The following NAA10 variants were observed in gnomAD, a reference collection of about 807,000 sequenced individuals.
NAA10 encodes the protein N-alpha-acetyltransferase 10, NatA catalytic subunit, also known as N-alpha-acetyltransferase 10.
In NAA10, 6 loss-of-function variants were observed where a neutral mutation model predicts 19.2. The ratio of observed to expected loss-of-function variants is 0.31; its 90% CI spans 0.17 to 0.62. The LOEUF is 0.62. Ranked by LOEUF, NAA10 falls within the 20% of genes least tolerant of loss-of-function variation. The probability of loss-of-function intolerance (pLI) is 0.83; values close to 1 mark genes in which losing one functional copy is unlikely to be tolerated. For missense variants in NAA10, 101 were observed against 198.4 expected (o/e 0.51, Z 2.95); for synonymous variants, 97 against 79.9 (o/e 1.21, Z -1.14).
chrX:153,932,816 C>A (rs1001424554), intron 3 of NAA10: 1 of 438,265 alleles, frequency 2.3e-6, no homozygotes, highest in Non-Finnish European at 4.0e-6. Context: ...ACTTGGCAGG[C>A]CGGGGCAAGA....
rs932425526 is a variant in NAA10 at position 153,931,763 on chromosome X, C to T, written c.386+308G>A. 20 of 1,027,866 alleles carry T rather than the reference C, an allele frequency of 1.9e-5. No homozygotes were observed. The African/African-American group carries it at 3.5e-4, about 18-fold the overall frequency. 84.7% of individuals were successfully genotyped at this position (1,027,866 alleles called of 1,213,427 possible). A position where few individuals can be genotyped will look rare whatever the true frequency, so the allele number is the denominator to read the frequency against. On this transcript the variant is annotated intron_variant, in intron 6 of 7. Coordinates refer to ENST00000464845, the MANE Select transcript of NAA10 (RefSeq NM_003491.4). ...CATCTGCTCACGCCAGGGACCCACA[C>T]CTCTCTATTCCCAAACATTACTAAA...
At chrX:153,930,498 T>C in intron 7 of NAA10, 1 of 453,665 alleles carries the variant, frequency 2.2e-6, no homozygotes, top group East Asian at 3.7e-5. Flanking sequence ...GACTCAGAAC[T>C]ACCTTTGAGC....
rs782363652 is a variant in NAA10, at chrX:153,934,470, C to T, written c.27G>A (p.Glu9=). The T allele has an allele frequency of 3.3e-6, 4 of 1,197,648 alleles. No individual in the cohort carries two copies. In the South Asian group the frequency reaches 7.3e-5, roughly 22 times the overall value. The change falls in exon 2 of 8, where the codon GAG becomes GAA. Residue 9 remains glutamate (E), a synonymous_variant. Transcript: ENST00000464845. ...TGCAGTGCTGCATGTTCATTAGGTCCTCTGGCTGCAGGGAAGGAGGGCAGT... is the reference window on the plus strand; with the variant it reads ...TGCAGTGCTGCATGTTCATTAGGTCTTCTGGCTGCAGGGAAGGAGGGCAGT... MNIRNARP[E]DLMNMQHCNL... is the part of the protein sequence containing the mutation.
intron 6 of NAA10, 80 bp from the exon 7 acceptor site, chrX:153,930,927 C>T (rs1352057387): frequency 8.3e-7 from 1 of 1,208,142 alleles, no homozygotes; most frequent in Admixed American, 2.2e-5. Flanking sequence ...ATCGTGGCTA[C>T]TGGAGCAAGG....
chrX:153,935,000 C>G lies in NAA10; in HGVS notation c.-96G>C, dbSNP rs1317233747. 13 of 814,927 alleles carry G rather than the reference C, an allele frequency of 1.6e-5. No homozygotes were observed. The highest frequency in any genetic ancestry group is 2.0e-5 in the Non-Finnish European group (13 of 657,543). 67.2% of individuals were successfully genotyped at this position (814,927 alleles called of 1,213,427 possible). Reference sequence around the variant, plus strand: ...ACGCCGGGACGGCCGGGGCTGGGACCGGAGCTGGGCTCGCTGGGCGACGGC... The same window carrying G: ...ACGCCGGGACGGCCGGGGCTGGGACGGGAGCTGGGCTCGCTGGGCGACGGC... On this transcript the variant is annotated 5_prime_UTR_variant, in exon 1 of 8. Transcript: ENST00000464845.
At chrX:153,933,698 G>A in intron 3 of NAA10, 1 of 336,050 alleles carries the variant, frequency 3.0e-6, no homozygotes, top group Non-Finnish European at 5.2e-6. Context: ...AATAATAATA[G>A]TAACATATCA....
Position 153,929,865 on chromosome X carries a change from C to T in NAA10, c.*122G>A. 3.3e-6 allele frequency: 2 copies of T among 604,476 alleles called. No individual in the cohort carries two copies. The highest frequency in any genetic ancestry group is 5.5e-6 in the Non-Finnish European group (2 of 362,945). 49.8% of individuals were successfully genotyped at this position (604,476 alleles called of 1,213,427 possible). A position where few individuals can be genotyped will look rare whatever the true frequency, so the allele number is the denominator to read the frequency against. On this transcript the variant is annotated 3_prime_UTR_variant, in exon 8 of 8. Coordinates refer to ENST00000464845, the MANE Select transcript of NAA10 (RefSeq NM_003491.4). The stretch of plus-strand genomic sequence containing the variant: ...GTCAAAAGGCCAAGGCTCACATCCC[C>T]ACCAGAGGACCTGGAGAAACACACC...
chrX:153,934,559 T>G, intron 1 of NAA10, 84 bp from the exon 2 acceptor site: 1 of 769,617 alleles, frequency 1.3e-6, no homozygotes, highest in Non-Finnish European at 2.0e-6. Flanking sequence ...GTCGGTCTGC[T>G]CGGCCCCGCT....
At chrX:153,934,515 G>A in intron 1 of NAA10, 40 bp from the exon 2 acceptor site, 19 of 1,074,679 alleles carry the variant, frequency 1.8e-5, no homozygotes, top group Non-Finnish European at 2.3e-5. Context: ...TCAGTCTAAG[G>A]CGGCGGTGAC....
At chrX:153,934,309 T>C in intron 2 of NAA10, 68 bp downstream of exon 2, 1 of 962,661 alleles carries the variant, frequency 1.0e-6, no homozygotes, top group Non-Finnish European at 1.5e-6. Context: ...GTCCACTCCC[T>C]CCAAGATGGC....
Position 153,932,082 on chromosome X carries a change from G to C in NAA10, c.375C>G (p.Thr125=). 1 of 1,212,113 alleles carries C rather than the reference G, an allele frequency of 8.3e-7. No individual in the cohort carries two copies. Among genetic ancestry groups the C allele is most frequent in the Non-Finnish European group, 1.1e-6 (1 of 895,625 alleles). The change falls in exon 6 of 8, where the codon ACC becomes ACG. Residue 125 remains threonine (T), a synonymous_variant. Coordinates refer to ENST00000464845, the MANE Select transcript of NAA10 (RefSeq NM_003491.4). Reference sequence around the variant, plus strand: ...CGAGATCTACTTACTGAAAGTTGAGGGTGTTGGAATAGAGGTGCAGGGCGG... The same window carrying C: ...CGAGATCTACTTACTGAAAGTTGAGCGTGTTGGAATAGAGGTGCAGGGCGG... ...NRAALHLYSN[T]LNFQISEVEP...
At position 153,935,017 on chromosome X, in the gene NAA10, G is replaced by C; in HGVS notation, c.-113C>G. Reference sequence around the variant, plus strand: ...GCTGGGACCGGAGCTGGGCTCGCTGGGCGACGGCGGAAGGGGCGGTGCGCG... The same window carrying C: ...GCTGGGACCGGAGCTGGGCTCGCTGCGCGACGGCGGAAGGGGCGGTGCGCG... On this transcript the variant is annotated 5_prime_UTR_variant, in exon 1 of 8. Transcript: ENST00000464845. 2.7e-6 allele frequency: 2 copies of C among 750,631 alleles called. No homozygotes were observed. Among genetic ancestry groups the C allele is most frequent in the Non-Finnish European group, 3.3e-6 (2 of 602,854 alleles). The allele number at this position is 750,631 out of a possible 1,213,427, so 61.9% of individuals were successfully genotyped here.
rs781801765 is a variant in NAA10, at chrX:153,934,893, G to A, written c.12C>T (p.Arg4=). The A allele has an allele frequency of 1.3e-4, 127 of 1,009,071 alleles. No individual in the cohort carries two copies. Among genetic ancestry groups the A allele is most frequent in the Non-Finnish European group, 1.3e-5 (10 of 789,364 alleles). 83.2% of individuals were successfully genotyped at this position (1,009,071 alleles called of 1,213,427 possible). The change falls in exon 1 of 8, where the codon CGC becomes CGT. Residue 4 remains arginine, a synonymous_variant. Transcript: ENST00000464845. MNI[R]NARPEDLMNM... is the part of the protein sequence containing the mutation. ...CGCCCCGGGCGCTCACCCTCGCATT[G>A]CGGATGTTCATAACGGCGGCGGGGC...
Position 153,934,948 on chromosome X carries a change from A to G in NAA10, c.-44T>C. On this transcript the variant is annotated 5_prime_UTR_variant, in exon 1 of 8. Coordinates refer to ENST00000464845, the MANE Select transcript of NAA10 (RefSeq NM_003491.4). The stretch of plus-strand genomic sequence containing the variant: ...GGGTCCCAGCGGATCGTGAAGGCGC[A>G]GTCAGCTGCCGCCGCGCTCCGAAGC... 2.1e-6 allele frequency: 2 copies of G among 974,689 alleles called. No individual in the cohort carries two copies. Among genetic ancestry groups the G allele is most frequent in the Non-Finnish European group, 2.6e-6 (2 of 768,361 alleles). 80.3% of individuals were successfully genotyped at this position (974,689 alleles called of 1,213,427 possible).
chrX:153,934,007 G>A lies in NAA10; in HGVS notation c.121-6C>T, dbSNP rs782372923. 4.1e-6 allele frequency: 5 copies of A among 1,208,441 alleles called. No individual in the cohort carries two copies. The highest frequency in any genetic ancestry group is 2.3e-4 in the Middle Eastern group (1 of 4,347). On this transcript the variant is annotated splice_polypyrimidine_tract_variant and splice_region_variant and intron_variant, in intron 2 of 7. Transcript: ENST00000464845. ...TCCTCAGCAATGTAAGAGAGCTGGT[G>A]ACAGGAAAACAGAGTGAGAAAACTT...
Position 153,929,391 on chromosome X carries a change from TATC to T in NAA10, c.*593_*595del, listed in dbSNP as rs2065153468. ...CAGGTTAGGGAGTAGACTCAAGAGG[TATC>T]ATGGACTCACTGACCATTAGGGTGG... On this transcript the variant is annotated 3_prime_UTR_variant, in exon 8 of 8. Coordinates refer to ENST00000464845, the MANE Select transcript of NAA10 (RefSeq NM_003491.4). The T allele has an allele frequency of 8.9e-6, 1 of 112,892 alleles. No individual in the cohort carries two copies. 9.3% of individuals were successfully genotyped at this position (112,892 alleles called of 1,213,427 possible). A position where few individuals can be genotyped will look rare whatever the true frequency, so the allele number is the denominator to read the frequency against.
Position 153,932,082 on chromosome X carries a change from G to A in NAA10, c.375C>T (p.Thr125=), listed in dbSNP as rs782718393. The A allele has an allele frequency of 2.7e-5, 33 of 1,210,552 alleles. No individual in the cohort carries two copies. Among genetic ancestry groups the A allele is most frequent in the South Asian group, 5.3e-5 (3 of 56,882 alleles). The change falls in exon 6 of 8, where the codon ACC becomes ACT. Residue 125 remains threonine (T), a synonymous_variant. Transcript: ENST00000464845. ...NRAALHLYSN[T]LNFQISEVEP... is the part of the protein sequence containing the mutation. ...CGAGATCTACTTACTGAAAGTTGAG[G>A]GTGTTGGAATAGAGGTGCAGGGCGG...
At position 153,931,191 on chromosome X, in the gene NAA10, G is replaced by C; in HGVS notation, c.387-344C>G. The C allele has an allele frequency of 1.7e-5, 16 of 948,174 alleles. No homozygotes were observed. The South Asian group carries it at 3.4e-4, about 20-fold the overall frequency. The allele number at this position is 948,174 out of a possible 1,213,427, so 78.1% of individuals were successfully genotyped here. On this transcript the variant is annotated intron_variant, in intron 6 of 7. Coordinates refer to ENST00000464845, the MANE Select transcript of NAA10 (RefSeq NM_003491.4). The stretch of plus-strand genomic sequence containing the variant: ...CTGAGCTGCCTCACAACAGCCATCA[G>C]AACCCAGGAAAGACGGTGAGCCCTG...
chrX:153,932,869 C>CT (rs1206002752), intron 3 of NAA10: 14 of 360,556 alleles, frequency 3.9e-5, no homozygotes, highest in East Asian at 9.2e-5. Flanking sequence ...CTGGACAACA[C>CT]TTTTTTTTGT....
Sources: gnomAD v4.1 joint callset for allele counts on GRCh38, gnomAD v4.1.1 for gene constraint, MANE v1.5 for transcripts, NCBI Gene and HGNC (gene_info 2026-07-23, HGNC 2026-07-21) for gene names.